The following KCNQ1 variants were observed in gnomAD, a reference collection of about 807,000 sequenced individuals.
KCNQ1 encodes the protein potassium voltage-gated channel subfamily Q member 1, also known as potassium voltage-gated channel subfamily KQT member 1.
In KCNQ1, 49 loss-of-function variants were observed where a neutral mutation model predicts 72.4. The observed-to-expected ratio is 0.68, with a 90% CI of 0.54 to 0.86. The LOEUF (loss-of-function observed/expected upper bound fraction) is 0.86. Ranked by LOEUF, KCNQ1 falls within the 40% of genes least tolerant of loss-of-function variation. The pLI, the probability that KCNQ1 is intolerant of heterozygous loss-of-function variation, is 0.00. For missense variants in KCNQ1, 790 were observed against 945.1 expected, an observed-to-expected ratio of 0.84 and a Z score of 2.15; for synonymous variants, 450 against 412.6, an observed-to-expected ratio of 1.09 and a Z score of -1.10.
At chr11:2,524,219 C>T (rs1479333729) in intron 1 of KCNQ1, among the ~76,000 whole-genome samples, 2 of 152,164 alleles carry the variant, frequency 1.3e-5, no homozygotes, top group African/African-American at 2.4e-5. Flanking sequence ...GTGCCACCCT[C>T]ACCGCAGCCC....
In KCNQ1 at chr11:2,768,995, G is replaced by C. The variant is rs1467185639; in HGVS notation, c.1590+76G>C. ...ATGCAGCTGCCCACACCTCTCCTGG[G>C]TTCTCTCCTGCCCATAGTGGAGGGT... On this transcript the variant is annotated intron_variant, in intron 12 of 15. Transcript: ENST00000155840. This position sits in a 1 kb window ranked among gnomAD's most constrained non-coding sequence, Gnocchi z 6.7. The C allele has an allele frequency of 8.2e-7, 1 of 1,221,366 alleles. No individual in the cohort carries two copies. The highest frequency in any genetic ancestry group is 1.2e-5 in the South Asian group (1 of 81,850). The allele number at this position is 1,221,366 out of a possible 1,614,324, so 75.7% of individuals were successfully genotyped here.
At chr11:2,714,955 G>C (rs536528953) in intron 11 of KCNQ1, among the ~76,000 whole-genome samples, 22 of 152,148 alleles carry the variant, frequency 1.4e-4, no homozygotes, top group South Asian at 8.3e-4. Context: ...ACAAAGCCAG[G>C]GGGGAGCCTG....
chr11:2,509,992 G>A lies in KCNQ1; in HGVS notation c.387-17936G>A, dbSNP rs1047322665. On this transcript the variant is annotated intron_variant, in intron 1 of 15. Transcript: ENST00000155840. The surrounding 1 kb of genome is among the most constrained non-coding windows in gnomAD (Gnocchi z 6.3). ...TGGTGTTTAAAGGCTAATTGGGATC[G>A]GTCGTGGTGCCTCAGGCCTGTCAAT... Among the ~76,000 whole-genome samples the A allele has an allele frequency of 5.3e-5, 8 of 152,124 alleles. No homozygotes were observed. The highest frequency in any genetic ancestry group is 1.2e-4 in the African/African-American group (5 of 41,420).
rs1445956286 is a variant in KCNQ1, at chr11:2,482,124, A to C, written c.386+36640A>C. Among the ~76,000 whole-genome samples the C allele has an allele frequency of 6.6e-6, 1 of 152,090 alleles. No individual in the cohort carries two copies. The highest frequency in any genetic ancestry group is 2.4e-5 in the African/African-American group (1 of 41,398). ...GGTGGTTTGAGGATTGAATGAACTC[A>C]TTGTCCAGCACCCTTAGCTTCTTGC... On this transcript the variant is annotated intron_variant, in intron 1 of 15. Transcript: ENST00000155840. This position sits in a 1 kb window ranked among gnomAD's most constrained non-coding sequence, Gnocchi z 5.7.
At chr11:2,692,725 C>T (rs1465025113) in intron 11 of KCNQ1, 4 of 398,660 alleles carry the variant, frequency 1.0e-5, no homozygotes, top group African/African-American at 6.2e-5. Context: ...TAGGCAGGTC[C>T]CTGCTCCTAT....
rs183837830 is a variant in KCNQ1 at position 2,826,934 on chromosome 11, G to A, written c.1795-20833G>A. On this transcript the variant is annotated intron_variant, in intron 15 of 15. Coordinates refer to ENST00000155840, the MANE Select transcript of KCNQ1 (RefSeq NM_000218.3). The surrounding 1 kb of genome is among the most constrained non-coding windows in gnomAD (Gnocchi z 4.2). ...AAGCCAGGCAGGTGGCCCATGAGCC[G>A]TGGAGTAGGTGGGGAAGGGGACATC... Among the ~76,000 whole-genome samples, 3 of 152,342 alleles carry A rather than the reference G, an allele frequency of 2.0e-5. No homozygotes were observed. Among genetic ancestry groups the A allele is most frequent in the South Asian group, 2.1e-4 (1 of 4,830 alleles).
chr11:2,572,532 C>T (rs1349548577), intron 5 of KCNQ1, among the ~76,000 whole-genome samples: 1 of 152,218 alleles, frequency 6.6e-6, no homozygotes, highest in Non-Finnish European at 1.5e-5. Flanking sequence ...CTGAGGATCT[C>T]CTGGGTCCTG....
At chr11:2,722,951 G>A (rs1025406926) in intron 11 of KCNQ1, among the ~76,000 whole-genome samples, 12 of 152,212 alleles carry the variant, frequency 7.9e-5, no homozygotes, top group Non-Finnish European at 1.6e-4. Context: ...GGCAGATGAA[G>A]GTCTTTGGGC....
At chr11:2,705,174 T>A (rs1850885684) in intron 11 of KCNQ1, among the ~76,000 whole-genome samples, 1 of 152,184 alleles carries the variant, frequency 6.6e-6, no homozygotes, top group Non-Finnish European at 1.5e-5. Context: ...AACAGTGCTG[T>A]GTTAGGGTCA....
chr11:2,650,646 C>A, intron 10 of KCNQ1: 1 of 398,674 alleles, frequency 2.5e-6, no homozygotes, highest in Admixed American at 4.4e-5. Flanking sequence ...TAACTACCTT[C>A]AAACTTTTTG....
At chr11:2,693,609 A>G (rs1850624824) in intron 11 of KCNQ1, 4 of 398,626 alleles carry the variant, frequency 1.0e-5, no homozygotes, top group Non-Finnish European at 1.8e-5. Flanking sequence ...TAAATTGCAA[A>G]CAAGAGCTTC....
rs911421309 is a variant in KCNQ1, at chr11:2,538,659, C to A, written c.477+10641C>A. 1.3e-5 allele frequency among the ~76,000 whole-genome samples: 2 copies of A among 151,580 alleles called. No homozygotes were observed. The highest frequency in any genetic ancestry group is 4.9e-5 in the African/African-American group (2 of 41,188). On this transcript the variant is annotated intron_variant, in intron 2 of 15. Transcript: ENST00000155840. The surrounding 1 kb of genome is among the most constrained non-coding windows in gnomAD (Gnocchi z 6.7). ...AATCCTGGGCTGGAACCGGAAACTT[C>A]CCTGAGTATACGGGGCCTTGTGTGT... is the stretch of plus-strand genomic sequence containing the variant.
Position 2,526,010 on chromosome 11 carries a change from A to G in KCNQ1, c.387-1918A>G, listed in dbSNP as rs183820193. Among the ~76,000 whole-genome samples, 176 of 152,280 alleles carry G rather than the reference A, an allele frequency of 1.2e-3. No individual in the cohort carries two copies. Among genetic ancestry groups the G allele is most frequent in the African/African-American group, 4.1e-3 (170 of 41,560 alleles). ...GGTGTTGTGGGGGCCAGGGTCAGAC[A>G]TCAGAGCTGGCCTCTGCCTATGAGA... On this transcript the variant is annotated intron_variant, in intron 1 of 15. Transcript: ENST00000155840. The surrounding 1 kb of genome is among the most constrained non-coding windows in gnomAD (Gnocchi z 6.1).
intron 11 of KCNQ1, among the ~76,000 whole-genome samples, chr11:2,753,372 G>A (rs1391306828): frequency 1.3e-5 from 2 of 152,186 alleles, no homozygotes; most frequent in African/African-American, 4.8e-5. Flanking sequence ...TTCAGCTGCT[G>A]TCCTGAGGGT....
chr11:2,621,927 T>C lies in KCNQ1; in HGVS notation c.1393+33073T>C. 1 of 397,442 alleles carries C rather than the reference T, an allele frequency of 2.5e-6. No individual in the cohort carries two copies. Among genetic ancestry groups the C allele is most frequent in the Non-Finnish European group, 4.4e-6 (1 of 225,172 alleles). 24.6% of individuals were successfully genotyped at this position (397,442 alleles called of 1,614,324 possible). On this transcript the variant is annotated intron_variant, in intron 10 of 15. Transcript: ENST00000155840. The surrounding 1 kb of genome is among the most constrained non-coding windows in gnomAD (Gnocchi z 5.7). ...TCTGTTAACTTTGGCTTTAGTTTGT[T>C]CTTCTTTTTCTAATTCCTTGAGGTA... is the stretch of plus-strand genomic sequence containing the variant.
intron 1 of KCNQ1, 78 bp from the exon 2 acceptor site, chr11:2,527,849 AG>A (rs1297131442): frequency 3.1e-6 from 4 of 1,299,036 alleles, no homozygotes; most frequent in South Asian, 1.2e-5. Context: ...GGCTGAGGCC[AG>A]GGGCCCCTCC....
intron 11 of KCNQ1, chr11:2,693,484 A>C (rs1850622690): frequency 5.0e-6 from 2 of 398,554 alleles, no homozygotes; most frequent in Admixed American, 8.8e-5. Context: ...TACAATTAGC[A>C]GGAGAAAGGC....
At position 2,601,423 on chromosome 11, in the gene KCNQ1, T is replaced by C. The variant is rs1218239029; in HGVS notation, c.1393+12569T>C. 2.0e-5 allele frequency among the ~76,000 whole-genome samples: 3 copies of C among 152,210 alleles called. No homozygotes were observed. The highest frequency in any genetic ancestry group is 4.4e-5 in the Non-Finnish European group (3 of 68,030). ...GTGGTAAGAAATAATAGGGATCCCA[T>C]GCACCCTTTAGTTAGTTTCCGTCAG... On this transcript the variant is annotated intron_variant, in intron 10 of 15. Coordinates refer to ENST00000155840, the MANE Select transcript of KCNQ1 (RefSeq NM_000218.3). This position sits in a 1 kb window ranked among gnomAD's most constrained non-coding sequence, Gnocchi z 5.2.
Position 2,668,427 on chromosome 11 carries a change from C to T in KCNQ1, c.1514+6346C>T. 1 of 398,628 alleles carries T rather than the reference C, an allele frequency of 2.5e-6. No individual in the cohort carries two copies. The highest frequency in any genetic ancestry group is 1.3e-4 in the South Asian group (1 of 7,854). The allele number at this position is 398,628 out of a possible 1,614,324, so 24.7% of individuals were successfully genotyped here. A position where few individuals can be genotyped will look rare whatever the true frequency, so the allele number is the denominator to read the frequency against. ...TTCCAATTTTCATTCCCACAGGCAG[C>T]ATTCTGGCTGCTCCACATCCTAACA... On this transcript the variant is annotated intron_variant, in intron 11 of 15. Coordinates refer to ENST00000155840, the MANE Select transcript of KCNQ1 (RefSeq NM_000218.3). The surrounding 1 kb of genome is among the most constrained non-coding windows in gnomAD (Gnocchi z 4.3).
Sources: allele counts gnomAD v4.1 joint callset (sites outside exome capture counted in the v4.1 genomes callset), GRCh38; gene constraint gnomAD v4.1.1; non-coding constraint Gnocchi (gnomAD v3.1); transcripts MANE v1.5; gene names NCBI Gene and HGNC (gene_info 2026-07-23, HGNC 2026-07-21).